PXK: variants seen among roughly 807,000 people sequenced by gnomAD.
The protein encoded by PXK is PX domain-containing protein kinase-like protein.
In PXK, 35 loss-of-function variants were observed where a neutral mutation model predicts 84.7. The observed-to-expected ratio is 0.41, with a 90% confidence interval of 0.32 to 0.55. The LOEUF is 0.55. Among genes scored for constraint, PXK ranks in the 20% least tolerant of loss-of-function variants. The probability of loss-of-function intolerance (pLI) is 0.21; values close to 1 mark genes in which losing one functional copy is unlikely to be tolerated. For synonymous variants in PXK, 253 were observed against 260.8 expected (o/e 0.97, Z 0.29); for missense variants, 634 against 699.7 (o/e 0.91, Z 1.06).
At chr3:58,424,285 C>T (rs980149049) in intron 17 of PXK, among the ~76,000 whole-genome samples, 2 of 152,150 alleles carry the variant, frequency 1.3e-5, no homozygotes, top group Non-Finnish European at 2.9e-5. Context: ...GTTGGAGCAG[C>T]GAAAGAACTG....
At chr3:58,408,193 T>A (rs1180073612) in intron 13 of PXK, among the ~76,000 whole-genome samples, 1 of 152,214 alleles carries the variant, frequency 6.6e-6, no homozygotes, top group Non-Finnish European at 1.5e-5. Flanking sequence ...CCACAAGCAT[T>A]TATTTCTGGG....
rs534806571 is a variant in PXK at position 58,376,276 on chromosome 3, G to A, written c.202-6238G>A. The stretch of plus-strand genomic sequence containing the variant: ...CTAAAAATACAAAAATTAGCCAGGC[G>A]TGGTGGCAGGCACCTGTAATCCCAC... On this transcript the variant is annotated intron_variant, in intron 3 of 17. Transcript: ENST00000356151. Among the ~76,000 whole-genome samples the A allele has an allele frequency of 1.2e-4, 19 of 152,168 alleles. No individual in the cohort carries two copies. In the South Asian group the frequency reaches 2.7e-3, roughly 22 times the overall value.
intron 1 of PXK, among the ~76,000 whole-genome samples, chr3:58,339,620 A>G (rs11709976): frequency 0.13 from 19,119 of 151,986 alleles, 1,645 homozygotes; most frequent in African/African-American, 0.23. Context: ...CATGAGAAAG[A>G]TTTCTCGTAA....
At chr3:58,403,304 C>T (rs2058891639) in intron 12 of PXK, among the ~76,000 whole-genome samples, 1 of 152,056 alleles carries the variant, frequency 6.6e-6, no homozygotes, top group South Asian at 2.1e-4. Flanking sequence ...CCGCACCCAG[C>T]CAGTAACATA....
rs1221386417 is a variant in PXK, at chr3:58,383,699, T to A, written c.388+999T>A. Among the ~76,000 whole-genome samples the A allele has an allele frequency of 6.6e-6, 1 of 152,252 alleles. No homozygotes were observed. The highest frequency in any genetic ancestry group is 1.5e-5 in the Non-Finnish European group (1 of 68,046). On this transcript the variant is annotated intron_variant, in intron 4 of 17. Coordinates refer to ENST00000356151, the MANE Select transcript of PXK (RefSeq NM_017771.5). The surrounding 1 kb of genome is among the most constrained non-coding windows in gnomAD (Gnocchi z 4.0). ...ATGAGAAACTAAATACTTAATACAT[T>A]CTGGTGTCACTTTGAAAAGAACAGT...
rs1390568985 is a variant in PXK, at chr3:58,401,184, G to A, written c.1181+1807G>A. On this transcript the variant is annotated intron_variant, in intron 12 of 17. Transcript: ENST00000356151. This position sits in a 1 kb window ranked among gnomAD's most constrained non-coding sequence, Gnocchi z 4.4. ...CTATGAGAAGAGCTCCTGGACAGGC[G>A]TAAACCATGTTCAATTAAAATGTGT... is the stretch of plus-strand genomic sequence containing the variant. Among the ~76,000 whole-genome samples, 5 of 152,142 alleles carry A rather than the reference G, an allele frequency of 3.3e-5. No individual in the cohort carries two copies. Among genetic ancestry groups the A allele is most frequent in the South Asian group, 2.1e-4 (1 of 4,818 alleles).
Position 58,401,457 on chromosome 3 carries a change from T to TACA in PXK, c.1181+2091_1181+2093dup, listed in dbSNP as rs1244476924. 1.3e-5 allele frequency among the ~76,000 whole-genome samples: 2 copies of TACA among 151,846 alleles called. No individual in the cohort carries two copies. The highest frequency in any genetic ancestry group is 2.9e-5 in the Non-Finnish European group (2 of 68,012). On this transcript the variant is annotated intron_variant, in intron 12 of 17. Transcript: ENST00000356151. The surrounding 1 kb of genome is among the most constrained non-coding windows in gnomAD (Gnocchi z 4.4). ...GGCGAAACCCCATCTCTACAAAAAA[T>TACA]ACAACAACAACAAAATTAGCTAGGC...
rs200174937 is a variant in PXK at position 58,389,197 on chromosome 3, G to A, written c.389-1385G>A. On this transcript the variant is annotated intron_variant, in intron 4 of 17. Transcript: ENST00000356151. Reference sequence around the variant, plus strand: ...TTTTTTTCCCAGTAAACAGGCACTCGGAGACTTTCCACAATAGAACCATGT... The same window carrying A: ...TTTTTTTCCCAGTAAACAGGCACTCAGAGACTTTCCACAATAGAACCATGT... Among the ~76,000 whole-genome samples the A allele has an allele frequency of 3.3e-5, 5 of 152,008 alleles. No homozygotes were observed. In the East Asian group the frequency reaches 7.7e-4, roughly 23 times the overall value.
chr3:58,354,452 T>C (rs1411807900), intron 1 of PXK, among the ~76,000 whole-genome samples: 1 of 151,354 alleles, frequency 6.6e-6, no homozygotes, highest in South Asian at 2.1e-4. Context: ...TTCCTAGTTT[T>C]TTTTTTTTTT....
In PXK at chr3:58,381,948, G is replaced by A. The variant is rs80210363; in HGVS notation, c.202-566G>A. ...ACTGCCAGTAATAATTTAAGAAAGT[G>A]AGTTACTCTTGAAATTATGTTTTTA... On this transcript the variant is annotated intron_variant, in intron 3 of 17. Coordinates refer to ENST00000356151, the MANE Select transcript of PXK (RefSeq NM_017771.5). Among the ~76,000 whole-genome samples the A allele has an allele frequency of 8.4e-3, 1,264 of 149,730 alleles. 20 individuals are homozygous for A. The highest frequency in any genetic ancestry group is 0.029 in the African/African-American group (1,210 of 41,444).
intron 1 of PXK, among the ~76,000 whole-genome samples, chr3:58,352,794 C>T (rs2108082279): frequency 6.6e-6 from 1 of 152,254 alleles, no homozygotes; most frequent in Middle Eastern, 3.4e-3. Flanking sequence ...CATCAGCTGT[C>T]TTTGAAGTCG....
Position 58,403,901 on chromosome 3 carries a change from A to G in PXK, c.1221A>G (p.Pro407=). The part of the protein sequence containing the change: ...SDVLLTTSEK[P]QFKIPTKLKE... ...TTTTACTAACCACTTCTGAAAAACC[A>G]CAGTTTAAGGTAAAGACAATTATAT... The change falls in exon 13 of 18, where the codon CCA becomes CCG. Residue 407 remains proline, a synonymous_variant. Coordinates refer to ENST00000356151, the MANE Select transcript of PXK (RefSeq NM_017771.5). 1 of 1,539,434 alleles carries G rather than the reference A, an allele frequency of 6.5e-7. No individual in the cohort carries two copies. Among genetic ancestry groups the G allele is most frequent in the Non-Finnish European group, 8.8e-7 (1 of 1,131,622 alleles).
At position 58,408,926 on chromosome 3, in the gene PXK, C is replaced by T. The variant is rs1461338458; in HGVS notation, c.1233C>T (p.Ile411=). 4.5e-6 allele frequency: 7 copies of T among 1,570,632 alleles called. No homozygotes were observed. Among genetic ancestry groups the T allele is most frequent in the East Asian group, 2.2e-5 (1 of 44,646 alleles). ...LTTSEKPQFK[I]PTKLKEALRI... Reference sequence around the variant, plus strand: ...GATGTACTTTTCTCTCCTTTCAGATCCCTACAAAGTTAAAAGAGGCATTGA... The same window carrying T: ...GATGTACTTTTCTCTCCTTTCAGATTCCTACAAAGTTAAAAGAGGCATTGA... Residue 411 remains isoleucine, a splice_region_variant and synonymous_variant, in exon 14 of 18, where the codon ATC becomes ATT. Coordinates refer to ENST00000356151, the MANE Select transcript of PXK (RefSeq NM_017771.5).
intron 3 of PXK, among the ~76,000 whole-genome samples, chr3:58,373,103 CGTA>C (rs1376743479): frequency 2.9e-5 from 4 of 139,746 alleles, no homozygotes; most frequent in Non-Finnish European, 6.2e-5. Flanking sequence ...TTTTTTGAGA[CGTA>C]GTCGCTCTGT....
intron 3 of PXK, among the ~76,000 whole-genome samples, chr3:58,376,909 GGATTACAGGCAT>G (rs1425458914): frequency 2.6e-5 from 4 of 152,082 alleles, no homozygotes; most frequent in African/African-American, 9.7e-5. Flanking sequence ...CAAAGTGCTG[GGATTACAGGCAT>G]GAGCCACTGT....
At chr3:58,345,065 A>G (rs570953570) in intron 1 of PXK, among the ~76,000 whole-genome samples, 4 of 152,338 alleles carry the variant, frequency 2.6e-5, no homozygotes, top group East Asian at 1.9e-4. Context: ...TGTACTGCCT[A>G]TTAAGATAAA....
At chr3:58,351,424 T>A (rs2097922693) in intron 1 of PXK, among the ~76,000 whole-genome samples, 1 of 151,460 alleles carries the variant, frequency 6.6e-6, no homozygotes, top group Admixed American at 6.6e-5. Context: ...TGTGTGTGTG[T>A]GTGTGTGTGT....
intron 17 of PXK, among the ~76,000 whole-genome samples, chr3:58,417,969 C>G (rs1223188708): frequency 6.6e-6 from 1 of 152,118 alleles, no homozygotes; most frequent in Non-Finnish European, 1.5e-5. Context: ...CAGGTGTGCA[C>G]CACCACCCTT....
intron 1 of PXK, among the ~76,000 whole-genome samples, chr3:58,355,511 T>G (rs2098055692): frequency 6.6e-6 from 1 of 152,228 alleles, no homozygotes; most frequent in African/African-American, 2.4e-5. Flanking sequence ...TAAAGTAATT[T>G]GGGGCCAGAA....
Sources: gnomAD v4.1 joint callset for allele counts (sites outside exome capture counted in the v4.1 genomes callset) on GRCh38, gnomAD v4.1.1 for gene constraint, Gnocchi (gnomAD v3.1) non-coding constraint, MANE v1.5 for transcripts, NCBI Gene and HGNC (gene_info 2026-07-23, HGNC 2026-07-21) for gene names.